RPH3A: variants seen among roughly 807,000 people sequenced by gnomAD.
RPH3A encodes rabphilin-3A.
Under a neutral mutation model 102.2 loss-of-function variants are expected in RPH3A, and 48 were observed. The observed-to-expected ratio is 0.47, with a 90% confidence interval of 0.37 to 0.60. RPH3A has a LOEUF of 0.60. Among genes scored for constraint, RPH3A ranks in the 20% least tolerant of loss-of-function variants. The pLI is 0.00. For synonymous variants in RPH3A, 310 were observed against 324.3 expected (o/e 0.96, Z 0.47); for missense variants, 781 against 910.1 (o/e 0.86, Z 1.83).
chr12:112,884,052 T>C (rs1179641337), intron 16 of RPH3A, among the ~76,000 whole-genome samples: 2 of 152,182 alleles, frequency 1.3e-5, no homozygotes, highest in Non-Finnish European at 2.9e-5. Flanking sequence ...CTTAACAATA[T>C]ATCTCAGTAT....
intron 1 of RPH3A, among the ~76,000 whole-genome samples, chr12:112,678,049 T>C (rs954879584): frequency 6.7e-6 from 1 of 150,262 alleles, no homozygotes; most frequent in Non-Finnish European, 1.5e-5. Context: ...ATACAAACAT[T>C]AGCCAGGCAT....
At chr12:112,655,543 C>G (rs2040004841) in intron 1 of RPH3A, among the ~76,000 whole-genome samples, 1 of 146,594 alleles carries the variant, frequency 6.8e-6, no homozygotes, top group African/African-American at 2.5e-5. Context: ...GATTTGGGCC[C>G]ATCTCGAATT....
chr12:112,654,798 G>C (rs1447504869), intron 1 of RPH3A, among the ~76,000 whole-genome samples: 1 of 152,118 alleles, frequency 6.6e-6, no homozygotes, highest in Non-Finnish European at 1.5e-5. Flanking sequence ...TTGATCCATT[G>C]GTTAGTTCAA....
chr12:112,593,143 G>A (rs2039491246), intron 1 of RPH3A, among the ~76,000 whole-genome samples: 1 of 152,156 alleles, frequency 6.6e-6, no homozygotes, highest in Non-Finnish European at 1.5e-5. Context: ...ACACCAGAGA[G>A]CTTGCTGCCT....
At chr12:112,858,266 C>CAAAAAAAAAAAAAAAAAAAAAAAAAA (rs1164602599) in intron 5 of RPH3A, among the ~76,000 whole-genome samples, 25 of 44,772 alleles carry the variant, frequency 5.6e-4, no homozygotes, top group East Asian at 2.1e-3. Flanking sequence ...GACCCTGTCT[C>CAAAAAAAAAAAAAAAAAAAAAAAAAA]AAAAAAAAAA....
At chr12:112,724,453 GA>G (rs35299128) in intron 1 of RPH3A, among the ~76,000 whole-genome samples, 1 of 151,896 alleles carries the variant, frequency 6.6e-6, no homozygotes, top group Non-Finnish European at 1.5e-5. Flanking sequence ...TATATTTATT[GA>G]AAAAAAGTCA....
intron 4 of RPH3A, among the ~76,000 whole-genome samples, chr12:112,839,780 G>A (rs759345632): frequency 3.3e-5 from 5 of 152,212 alleles, no homozygotes; most frequent in Non-Finnish European, 5.9e-5. Context: ...CTGAGGTCAG[G>A]AATTCGAGAC....
At chr12:112,895,552 G>T in intron 20 of RPH3A, 1 of 454,940 alleles carries the variant, frequency 2.2e-6, no homozygotes, top group Non-Finnish European at 4.0e-6. Flanking sequence ...TTCAAGCAGA[G>T]AATTCACTGA....
rs544504128 is a variant in RPH3A at position 112,868,499 on chromosome 12, A to T, written c.514A>T (p.Ile172Leu). 32 of 1,614,074 alleles carry T rather than the reference A, an allele frequency of 2.0e-5. No individual in the cohort carries two copies. The highest frequency in any genetic ancestry group is 2.6e-5 in the Non-Finnish European group (31 of 1,180,030). Reference protein sequence around the residue: ...PKQVLPQPMPIKKTKPQQPVS... With the variant: ...PKQVLPQPMPLKKTKPQQPVS... ...ACAGGTCCTCCCACAGCCTATGCCTATAAAGAAGACCAAGCCCCAGCAGCC... is the reference window on the plus strand; with the variant it reads ...ACAGGTCCTCCCACAGCCTATGCCTTTAAAGAAGACCAAGCCCCAGCAGCC... Residue 172 changes from isoleucine to leucine, a missense_variant, in exon 8 of 22, where the codon ATA (isoleucine) becomes TTA (leucine). Transcript: ENST00000389385.
At chr12:112,791,430 C>G (rs2041099032), upstream of RPH3A, 1 of 152,540 alleles carries the variant, frequency 6.6e-6, no homozygotes, top group Admixed American at 6.5e-5. Context: ...TGTGTGATGT[C>G]GAGAAGTCCC....
intron 2 of RPH3A, among the ~76,000 whole-genome samples, chr12:112,825,473 C>T (rs573400080): frequency 9.9e-5 from 15 of 152,212 alleles, no homozygotes; most frequent in South Asian, 6.3e-4. Context: ...CCCCTAGACA[C>T]GCCAATCTAC....
chr12:112,751,038 G>T (rs990192629), intron 1 of RPH3A, among the ~76,000 whole-genome samples: 1 of 152,204 alleles, frequency 6.6e-6, no homozygotes, highest in Non-Finnish European at 1.5e-5. Flanking sequence ...CTGAACGTTG[G>T]TCTCACCAGT....
At chr12:112,697,635 C>A (rs934578032) in intron 1 of RPH3A, among the ~76,000 whole-genome samples, 2 of 152,082 alleles carry the variant, frequency 1.3e-5, no homozygotes, top group South Asian at 4.1e-4. Flanking sequence ...GAGGCTGAGG[C>A]GGGTGGATCA....
chr12:112,674,705 TATCAGGATAAGAGTGTTTTC>T (rs373709899), intron 1 of RPH3A, among the ~76,000 whole-genome samples: 233 of 152,318 alleles, frequency 1.5e-3, no homozygotes, highest in African/African-American at 5.4e-3. Flanking sequence ...TCCATCAAGA[TATCAGGATAAGAGTGTTTTC>T]ATCCCACATG....
At chr12:112,766,624 T>A (rs1048196360) in intron 1 of RPH3A, among the ~76,000 whole-genome samples, 3 of 152,146 alleles carry the variant, frequency 2.0e-5, no homozygotes, top group Admixed American at 1.3e-4. Context: ...CAGTCATGCC[T>A]GGGTGTTGTC....
intron 1 of RPH3A, among the ~76,000 whole-genome samples, chr12:112,780,618 G>T (rs191512646): frequency 3.8e-4 from 58 of 152,222 alleles, no homozygotes; most frequent in Admixed American, 4.6e-4. Context: ...TTGAACACAT[G>T]CTATTTGCTG....
intron 2 of RPH3A, among the ~76,000 whole-genome samples, chr12:112,821,585 A>G (rs2041780600): frequency 6.6e-6 from 1 of 152,034 alleles, no homozygotes; most frequent in Non-Finnish European, 1.5e-5. Context: ...TCAGTTTATT[A>G]CCCACTTTGG....
At chr12:112,624,390 C>T (rs1419298584) in intron 1 of RPH3A, among the ~76,000 whole-genome samples, 1,837 of 149,014 alleles carry the variant, frequency 0.012, 33 homozygotes, top group African/African-American at 0.042. Context: ...ACCGATCCCA[C>T]AGAAATACAA....
intron 1 of RPH3A, among the ~76,000 whole-genome samples, chr12:112,720,337 G>T (rs2040542382): frequency 6.6e-6 from 1 of 152,246 alleles, no homozygotes; most frequent in African/African-American, 2.4e-5. Context: ...TAGATGACAT[G>T]GGGGCCAACC....
Sources: gnomAD v4.1 joint callset for allele counts (sites outside exome capture counted in the v4.1 genomes callset) on GRCh38, gnomAD v4.1.1 for gene constraint, MANE v1.5 for transcripts, NCBI Gene and HGNC (gene_info 2026-07-23, HGNC 2026-07-21) for gene names.